ERMP1: variants seen among roughly 807,000 people sequenced by gnomAD.
ERMP1 encodes the protein Felix-ina.
Under a neutral mutation model 92.0 loss-of-function variants are expected in ERMP1, and 86 were observed. That is an observed-to-expected ratio of 0.93 (90% confidence interval 0.79 to 1.12). ERMP1 has a LOEUF of 1.12. Ranked by LOEUF, ERMP1 falls within the 50% of genes most tolerant of loss-of-function variation. ERMP1 has a pLI of 0.00. For missense variants in ERMP1, 1,342 were observed against 1,116.3 expected (o/e 1.20, Z -2.88); for synonymous variants, 530 against 412.8 (o/e 1.28, Z -3.44).
chr9:5,830,684 T>C (rs1358120145), intron 2 of ERMP1, 43 bp downstream of exon 2: 2 of 1,512,816 alleles, frequency 1.3e-6, no homozygotes, highest in Non-Finnish European at 1.8e-6. Context: ...ATAAACTTTC[T>C]GGGCTGTGAC....
At chr9:5,807,096 A>C (rs1399416393) in intron 8 of ERMP1, among the ~76,000 whole-genome samples, 2 of 152,198 alleles carry the variant, frequency 1.3e-5, no homozygotes, top group African/African-American at 4.8e-5. Context: ...TCTCATTTTA[A>C]GTGCCCAAAC....
At chr9:5,836,411 A>C (rs1027112003), upstream of ERMP1, among the ~76,000 whole-genome samples, 11 of 152,220 alleles carry the variant, frequency 7.2e-5, no homozygotes, top group Non-Finnish European at 1.2e-4. Flanking sequence ...AGAGATGAGA[A>C]GTGAGCCCAA....
At chr9:5,849,425 A>G (rs1165311668) in intron 6 of ERMP1, among the ~76,000 whole-genome samples, 2 of 152,176 alleles carry the variant, frequency 1.3e-5, no homozygotes, top group African/African-American at 2.4e-5. Context: ...GGGGAGGAGA[A>G]CTGACTTAGC....
At chr9:5,834,981 G>GTGTGTA (rs1293454839), upstream of ERMP1, among the ~76,000 whole-genome samples, 92 of 25,240 alleles carry the variant, frequency 3.6e-3, 1 homozygote, top group Non-Finnish European at 5.7e-3. Context: ...AGATAGATGT[G>GTGTGTA]TGTGTGTGTG....
At chr9:5,833,201 T>A, upstream of ERMP1, 1 of 588,142 alleles carries the variant, frequency 1.7e-6, no homozygotes, top group Non-Finnish European at 2.7e-6. Flanking sequence ...CTTTGGCAGT[T>A]CTCGGGTGCA....
upstream of ERMP1, among the ~76,000 whole-genome samples, chr9:5,835,985 G>C (rs1471281493): frequency 6.6e-6 from 1 of 152,198 alleles, no homozygotes; most frequent in Non-Finnish European, 1.5e-5. Context: ...AAAGGTTGTG[G>C]CTGCCCCGTC....
intron 12 of ERMP1, among the ~76,000 whole-genome samples, chr9:5,798,136 G>T (rs1382379098): frequency 6.6e-6 from 1 of 152,162 alleles, no homozygotes; most frequent in African/African-American, 2.4e-5. Flanking sequence ...TAACCTAGGT[G>T]ATCTTGATTC....
At chr9:5,834,963 A>AGATG, upstream of ERMP1, among the ~76,000 whole-genome samples, 1 of 117,300 alleles carries the variant, frequency 8.5e-6, no homozygotes, top group East Asian at 2.4e-4. Context: ...GACAGATGAT[A>AGATG]GATGGATAGA....
rs570397978 is a variant in ERMP1, at chr9:5,857,735, G to C, written n.3199+1733C>G. Among the ~76,000 whole-genome samples the C allele has an allele frequency of 3.3e-5, 5 of 152,272 alleles. No individual in the cohort carries two copies. In the East Asian group the frequency reaches 9.6e-4, roughly 29 times the overall value. On this transcript the variant is annotated intron_variant and non_coding_transcript_variant, in intron 6 of 6. Coordinates refer to the ERMP1 transcript ENST00000690753. ...GAAAATATTCAGCATATCATCCCAC[G>C]TTATCTGTAGCCTTGACTGGGATCC...
chr9:5,825,288 G>C, intron 2 of ERMP1, 69 bp from the exon 3 acceptor site: 1 of 1,456,610 alleles, frequency 6.9e-7, no homozygotes, highest in Non-Finnish European at 9.3e-7. Flanking sequence ...ATTAGGACTA[G>C]GAATGGAGCT....
intron 1 of ERMP1, 119 bp from the exon 2 acceptor site, chr9:5,831,147 A>C: frequency 2.9e-6 from 2 of 685,464 alleles, no homozygotes; most frequent in Non-Finnish European, 2.5e-6. Flanking sequence ...CCTTATATAA[A>C]AGGGACCGCC....
At chr9:5,834,745 G>GTA (rs1355477409), upstream of ERMP1, among the ~76,000 whole-genome samples, 7 of 145,926 alleles carry the variant, frequency 4.8e-5, no homozygotes, top group African/African-American at 1.8e-4. Context: ...GTGTGTGTGT[G>GTA]TATGTCTGAC....
At chr9:5,806,216 G>A (rs1828864603) in intron 8 of ERMP1, among the ~76,000 whole-genome samples, 1 of 152,060 alleles carries the variant, frequency 6.6e-6, no homozygotes, top group African/African-American at 2.4e-5. Flanking sequence ...ACCCACATCT[G>A]GAAAACTGCA....
chr9:5,809,845 G>A (rs945836141), intron 8 of ERMP1, among the ~76,000 whole-genome samples, 166 bp downstream of exon 8: 1 of 152,130 alleles, frequency 6.6e-6, no homozygotes, highest in Non-Finnish European at 1.5e-5. Flanking sequence ...ATTACCCTCA[G>A]AATAAGAAAT....
At chr9:5,863,272 G>T (rs1830555936) in intron 5 of ERMP1, among the ~76,000 whole-genome samples, 1 of 152,220 alleles carries the variant, frequency 6.6e-6, no homozygotes, top group African/African-American at 2.4e-5. Context: ...TACTTTCAAA[G>T]CAGGAGTTTC....
At chr9:5,788,865 G>A (rs965667952) in intron 13 of ERMP1, among the ~76,000 whole-genome samples, 1 of 152,010 alleles carries the variant, frequency 6.6e-6, no homozygotes, top group Non-Finnish European at 1.5e-5. Flanking sequence ...GAAAAGAAAT[G>A]GAGGAAAAAG....
At chr9:5,845,513 A>C (rs1586837127) in intron 6 of ERMP1, among the ~76,000 whole-genome samples, 1 of 152,190 alleles carries the variant, frequency 6.6e-6, no homozygotes, top group East Asian at 1.9e-4. Context: ...TCACAAAACT[A>C]ACTCCTGATT....
chr9:5,817,972 T>G (rs745710332), intron 4 of ERMP1, among the ~76,000 whole-genome samples: 17 of 152,088 alleles, frequency 1.1e-4, no homozygotes, highest in Non-Finnish European at 1.9e-4. Flanking sequence ...TTTACAAGAA[T>G]AGTCGTGGTG....
chr9:5,866,728 T>C (rs1830676037), intron 5 of ERMP1, among the ~76,000 whole-genome samples: 1 of 152,128 alleles, frequency 6.6e-6, no homozygotes, highest in Non-Finnish European at 1.5e-5. Context: ...AAAATCTGAG[T>C]GGCGATGAGA....
Sources: gnomAD v4.1 joint callset for allele counts (sites outside exome capture counted in the v4.1 genomes callset) on GRCh38, gnomAD v4.1.1 for gene constraint, MANE v1.5 for transcripts, NCBI Gene and HGNC (gene_info 2026-07-23, HGNC 2026-07-21) for gene names.